The following ACP4 variants were observed in gnomAD, a reference collection of about 807,000 sequenced individuals.
ACP4 encodes the protein acid phosphatase 4, also known as testicular acid phosphatase.
A neutral mutation model predicts 47.3 loss-of-function variants in ACP4; 49 were observed. The observed-to-expected ratio is 1.04, with a 90% CI of 0.82 to 1.32. The LOEUF is 1.32. ACP4 is among the 40% of genes most tolerant of loss of function. The probability of loss-of-function intolerance (pLI) is 0.00; values close to 1 mark genes in which losing one functional copy is unlikely to be tolerated. For synonymous variants in ACP4, 299 were observed against 265.3 expected, an observed-to-expected ratio of 1.13 and a Z score of -1.23; for missense variants, 594 against 579.3, an observed-to-expected ratio of 1.03 and a Z score of -0.26.
Position 50,792,098 on chromosome 19 carries a change from G to A in ACP4, c.476G>A (p.Cys159Tyr), listed in dbSNP as rs2089514126. The change falls in exon 5 of 11, where the codon TGT (cysteine) becomes TAT (tyrosine). Residue 159 changes from cysteine (C) to tyrosine (Y), a missense_variant. Cys to Tyr is a radical substitution (Grantham distance 194, BLOSUM62 -2). Transcript: ENST00000270593. The stretch of plus-strand genomic sequence containing the variant: ...CTGCTGAGGTTCCCCATGCGCAGCT[G>A]TCCCCGATACCACGAGCTGCTGCGG... ...DKLLRFPMRS[C>Y]PRYHELLREA... 6.3e-7 allele frequency: 1 copy of A among 1,598,054 alleles called. No homozygotes were observed. Among genetic ancestry groups the A allele is most frequent in the South Asian group, 1.1e-5 (1 of 89,362 alleles).
rs1390388233 is a variant in ACP4 at position 50,792,069 on chromosome 19, C to G, written c.451-4C>G. On this transcript the variant is annotated splice_polypyrimidine_tract_variant and splice_region_variant and intron_variant, in intron 4 of 10. Coordinates refer to ENST00000270593, the MANE Select transcript of ACP4 (RefSeq NM_033068.3). ...TGTCCTCTCTGAGACTCAGTTTTCC[C>G]CAGCTGCTGAGGTTCCCCATGCGCA... is the stretch of plus-strand genomic sequence containing the variant. The G allele has an allele frequency of 1.3e-6, 2 of 1,572,298 alleles. No homozygotes were observed. The highest frequency in any genetic ancestry group is 1.9e-5 in the Admixed American group (1 of 53,046).
rs182178960 is a variant in ACP4 at position 50,792,060 on chromosome 19, C to G, written c.451-13C>G. On this transcript the variant is annotated splice_polypyrimidine_tract_variant and intron_variant, in intron 4 of 10. Coordinates refer to ENST00000270593, the MANE Select transcript of ACP4 (RefSeq NM_033068.3). ...GCACACGGCTGTCCTCTCTGAGACTCAGTTTTCCCCAGCTGCTGAGGTTCC... is the reference window on the plus strand; with the variant it reads ...GCACACGGCTGTCCTCTCTGAGACTGAGTTTTCCCCAGCTGCTGAGGTTCC... 34 of 1,563,124 alleles carry G rather than the reference C, an allele frequency of 2.2e-5. No individual in the cohort carries two copies. In the African/African-American group the frequency reaches 3.6e-4, roughly 17 times the overall value.
rs753715106 is a variant in ACP4 at position 50,794,394 on chromosome 19, G to A, written c.862-63G>A. 1.2e-4 allele frequency: 199 copies of A among 1,598,870 alleles called. No individual in the cohort carries two copies. In the Middle Eastern group the frequency reaches 1.5e-3, roughly 12 times the overall value. On this transcript the variant is annotated intron_variant, in intron 8 of 10. Transcript: ENST00000270593. ...CTGGGGGACATCTGGATGCGCAAGT[G>A]TAGTGCTCAGGAGAAAGGCCTCCAG...
At chr19:50,792,437 T>C in intron 6 of ACP4, 100 bp downstream of exon 6, 1 of 1,248,228 alleles carries the variant, frequency 8.0e-7, no homozygotes, top group Non-Finnish European at 1.1e-6. Flanking sequence ...TAGTTAATCC[T>C]CTGTGCCTCA....
At chr19:50,794,219 C>T (rs535369343) in intron 8 of ACP4, among the ~76,000 whole-genome samples, 2 of 152,340 alleles carry the variant, frequency 1.3e-5, no homozygotes, top group South Asian at 4.1e-4. Context: ...TTGGACTAAG[C>T]AGTCTGTCCT....
At position 50,793,813 on chromosome 19, in the gene ACP4, G is replaced by T. The variant is rs2089530918; in HGVS notation, c.775G>T (p.Gly259Trp). ...GGCAGCAGAGAAGGCCCAGCTGACA[G>T]GGGGTGAGGTGTGGGTCTGGGAGGC... ...PRAAEKAQLTGGILLNAILAN... is the reference protein window; with the variant it reads ...PRAAEKAQLTWGILLNAILAN... The change falls in exon 7 of 11, where the codon GGG becomes TGG. Residue 259 changes from glycine to tryptophan, a missense_variant. Coordinates refer to ENST00000270593, the MANE Select transcript of ACP4 (RefSeq NM_033068.3). 6.2e-7 allele frequency: 1 copy of T among 1,613,962 alleles called. No homozygotes were observed. Among genetic ancestry groups the T allele is most frequent in the South Asian group, 1.1e-5 (1 of 91,084 alleles).
At chr19:50,793,860 A>T in intron 7 of ACP4, 28 bp from the exon 8 acceptor site, 1 of 1,614,040 alleles carries the variant, frequency 6.2e-7, no homozygotes, top group Non-Finnish European at 8.5e-7. Context: ...CCTCTGGGAG[A>T]GTCTAAGCTC....
At chr19:50,794,352 G>GGTT in intron 8 of ACP4, 105 bp from the exon 9 acceptor site, 1 of 1,482,396 alleles carries the variant, frequency 6.7e-7, no homozygotes, top group Non-Finnish European at 9.1e-7. Flanking sequence ...AGCTTTGGGG[G>GGTT]GTTGGTTCTA....
In ACP4 at chr19:50,790,689, G is replaced by A; in HGVS notation, c.207G>A (p.Gln69=). Residue 69 remains glutamine (Q), a synonymous_variant, in exon 2 of 11, where the codon CAG becomes CAA. Coordinates refer to ENST00000270593, the MANE Select transcript of ACP4 (RefSeq NM_033068.3). The part of the protein sequence containing the change: ...ASTLWPRGLG[Q]LTTEGVRQQL... ...CCCTGTGGCCACGAGGCCTGGGCCA[G>A]CTGACCACGGTGAGAAGCGGGTAGG... is the stretch of plus-strand genomic sequence containing the variant. The A allele has an allele frequency of 6.5e-7, 1 of 1,547,434 alleles. No individual in the cohort carries two copies. The highest frequency in any genetic ancestry group is 8.7e-7 in the Non-Finnish European group (1 of 1,147,776).
chr19:50,792,852 A>T (rs1284186595), intron 6 of ACP4: 1 of 151,490 alleles, frequency 6.6e-6, no homozygotes, highest in Non-Finnish European at 1.5e-5. Context: ...CTGGCTAATT[A>T]AAAAAAAATT....
At position 50,791,769 on chromosome 19, in the gene ACP4, C is replaced by A. The variant is rs1449685112; in HGVS notation, c.417C>A (p.Ile139=). 1 of 1,612,170 alleles carries A rather than the reference C, an allele frequency of 6.2e-7. No individual in the cohort carries two copies. Among genetic ancestry groups the A allele is most frequent in the Non-Finnish European group, 8.5e-7 (1 of 1,179,550 alleles). ...GCCCCGAGGCCCGCTGGAGGCCGAT[C>A]CCGGTGCACACGGTGCCCGTGGCTG... ...PGSPEARWRP[I]PVHTVPVAED... The change falls in exon 4 of 11, where the codon ATC becomes ATA. Residue 139 remains isoleucine (I), a synonymous_variant. Transcript: ENST00000270593.
intron 4 of ACP4, 55 bp from the exon 5 acceptor site, chr19:50,792,018 G>GT (rs2089513188): frequency 4.6e-6 from 7 of 1,517,662 alleles, no homozygotes; most frequent in Non-Finnish European, 5.3e-6. Context: ...CCGACCCGCT[G>GT]TGAGACCCAA....
In ACP4 at chr19:50,794,477, C is replaced by G; in HGVS notation, c.882C>G (p.Ala294=). The G allele has an allele frequency of 1.2e-6, 2 of 1,613,610 alleles. No homozygotes were observed. The highest frequency in any genetic ancestry group is 1.7e-4 in the Middle Eastern group (1 of 6,054). The change falls in exon 9 of 11, where the codon GCC becomes GCG. Residue 294 remains alanine, a synonymous_variant. Coordinates refer to ENST00000270593, the MANE Select transcript of ACP4 (RefSeq NM_033068.3). ...MYSAHDSTLL[A]LQGALGLYDG... ...TGCAGCATGACAGCACCCTGCTGGC[C>G]CTCCAGGGGGCCCTGGGCCTCTATG...
At chr19:50,793,052 A>C (rs1348688378) in intron 6 of ACP4, 3 of 154,806 alleles carry the variant, frequency 1.9e-5, no homozygotes, top group Non-Finnish European at 4.3e-5. Context: ...TGTGTGACTA[A>C]GGGGGCTGCC....
At chr19:50,793,330 TA>T in intron 6 of ACP4, 1 of 231,948 alleles carries the variant, frequency 4.3e-6, no homozygotes, top group Non-Finnish European at 8.6e-6. Context: ...ACCAACACGG[TA>T]AAACCCCGTC....
chr19:50,791,924 C>T lies in ACP4; in HGVS notation c.450+122C>T, dbSNP rs559021778. The T allele has an allele frequency of 1.6e-4, 238 of 1,459,332 alleles. 1 individual carries two copies. The South Asian group carries it at 2.9e-3, about 18-fold the overall frequency. 90.4% of individuals were successfully genotyped at this position (1,459,332 alleles called of 1,614,324 possible). A position where few individuals can be genotyped will look rare whatever the true frequency, so the allele number is the denominator to read the frequency against. ...CTGTCCTCGAGCTGGTCTGTCCAGA[C>T]CAGGGTGAGCCCCGGCCCACGCTGC... On this transcript the variant is annotated intron_variant, in intron 4 of 10. Transcript: ENST00000270593.
intron 6 of ACP4, chr19:50,793,234 G>C: frequency 5.9e-6 from 1 of 168,418 alleles, no homozygotes; most frequent in South Asian, 1.5e-4. Context: ...TGTTGGCTGG[G>C]TGTGGTGGCT....
intron 4 of ACP4, 88 bp from the exon 5 acceptor site, chr19:50,791,985 A>C: frequency 6.8e-7 from 1 of 1,469,666 alleles, no homozygotes; most frequent in African/African-American, 1.4e-5. Flanking sequence ...ACAAAGACGC[A>C]GGGGCCGAGA....
rs1357675428 is a variant in ACP4 at position 50,795,149 on chromosome 19, C to A, written c.1272C>A (p.Gly424=). Residue 424 remains glycine, a synonymous_variant, in exon 11 of 11, where the codon GGC becomes GGA. Transcript: ENST00000270593. ...WRPGCLRALG[G]PV is the part of the protein sequence containing the mutation. The stretch of plus-strand genomic sequence containing the variant: ...CAGGGTGCCTGCGGGCCTTGGGGGG[C>A]CCCGTGTGAGCCAGAAACCAGGGCT... 1.3e-6 allele frequency: 2 copies of A among 1,544,136 alleles called. No individual in the cohort carries two copies. The highest frequency in any genetic ancestry group is 1.7e-6 in the Non-Finnish European group (2 of 1,147,948).
Sources: allele counts gnomAD v4.1 joint callset (sites outside exome capture counted in the v4.1 genomes callset), GRCh38; gene constraint gnomAD v4.1.1; transcripts MANE v1.5; gene names NCBI Gene and HGNC (gene_info 2026-07-23, HGNC 2026-07-21).